Variants in PPP3CC observed in about 807,000 individuals in gnomAD.
PPP3CC encodes the protein protein phosphatase 3 catalytic subunit gamma, also known as serine/threonine-protein phosphatase 2B catalytic subunit gamma isoform.
Under a neutral mutation model 60.3 loss-of-function variants are expected in PPP3CC, and 35 were observed. That is an observed-to-expected ratio of 0.58 (90% CI 0.44 to 0.77). PPP3CC has a LOEUF of 0.77. Among genes scored for constraint, PPP3CC ranks in the 30% least tolerant of loss-of-function variants. The pLI, the probability that PPP3CC is intolerant of heterozygous loss-of-function variation, is 0.00. For synonymous variants in PPP3CC, 206 were observed against 224.3 expected, an observed-to-expected ratio of 0.92 and a Z score of 0.73; for missense variants, 570 against 628.9, an observed-to-expected ratio of 0.91 and a Z score of 1.00.
At chr8:22,530,162 G>T (rs1405669725) in intron 10 of PPP3CC, among the ~76,000 whole-genome samples, 2 of 152,222 alleles carry the variant, frequency 1.3e-5, no homozygotes, top group Non-Finnish European at 2.9e-5. Context: ...TAGCTTGCGA[G>T]TGTTTTTATT....
At chr8:22,457,526 T>C (rs146481256) in intron 1 of PPP3CC, among the ~76,000 whole-genome samples, 2 of 151,958 alleles carry the variant, frequency 1.3e-5, no homozygotes, top group South Asian at 2.1e-4. Flanking sequence ...CAGGCTGCTC[T>C]TGAACTCCAG....
Position 22,522,721 on chromosome 8 carries a change from CAATTACCTAGATGTCTATAACAAT to C in PPP3CC, c.918_941del (p.Asn306_Asn313del). 6.3e-7 allele frequency: 1 copy of C among 1,597,284 alleles called. No homozygotes were observed. ...CACTTATTACAATTTTCTCTGCCCC[CAATTACCTAGATGTCTATAACAAT>C]AAAGGTAAAGGAATCCAGCAATATT... On this transcript the variant is annotated inframe_deletion, in exon 8 of 14. Coordinates refer to ENST00000240139, the MANE Select transcript of PPP3CC (RefSeq NM_005605.5).
intron 3 of PPP3CC, among the ~76,000 whole-genome samples, chr8:22,482,015 A>C (rs1003563556): frequency 1.2e-4 from 19 of 152,180 alleles, no homozygotes; most frequent in African/African-American, 4.6e-4. Context: ...GTGTCTTTAT[A>C]GTAGAATGAT....
intron 1 of PPP3CC, among the ~76,000 whole-genome samples, chr8:22,466,655 C>T (rs1837530361): frequency 6.6e-6 from 1 of 152,158 alleles, no homozygotes; most frequent in South Asian, 2.1e-4. Context: ...ATCCTTTGCC[C>T]ACTTTCTGAT....
intron 3 of PPP3CC, among the ~76,000 whole-genome samples, chr8:22,483,594 C>G (rs1341151235): frequency 6.6e-6 from 1 of 152,078 alleles, no homozygotes; most frequent in East Asian, 1.9e-4. Flanking sequence ...TCCCATATGT[C>G]ATTTTATTTT....
intron 1 of PPP3CC, among the ~76,000 whole-genome samples, chr8:22,461,154 ACTTT>A (rs1837351885): frequency 6.6e-6 from 1 of 152,152 alleles, no homozygotes; most frequent in Admixed American, 6.5e-5. Flanking sequence ...GAAAATCTTT[ACTTT>A]ATTTACAGCA....
chr8:22,525,521 T>TCTTTCTTTCTTTCTTTCTTTCTTTCTTC (rs1839526822), intron 8 of PPP3CC, among the ~76,000 whole-genome samples: 1 of 104,260 alleles, frequency 9.6e-6, no homozygotes, highest in African/African-American at 3.9e-5. Flanking sequence ...TTTCTTTCTT[T>TCTTTCTTTCTTTCTTTCTTTCTTTCTTC]CTTTCTTTCT....
In PPP3CC at chr8:22,483,828, C is replaced by A. The variant is rs147989400; in HGVS notation, c.372+8204C>A. Among the ~76,000 whole-genome samples the A allele has an allele frequency of 4.4e-3, 669 of 151,962 alleles. 5 individuals are homozygous for A. Among genetic ancestry groups the A allele is most frequent in the African/African-American group, 0.015 (611 of 41,432 alleles). ...TCTCAATAAAGGACACATTTTAATGCCTATCTTGTAATTAAAAAAAATTTT... is the reference window on the plus strand; with the variant it reads ...TCTCAATAAAGGACACATTTTAATGACTATCTTGTAATTAAAAAAAATTTT... On this transcript the variant is annotated intron_variant, in intron 3 of 13. Transcript: ENST00000240139.
At chr8:22,454,820 G>C (rs955942866) in intron 1 of PPP3CC, among the ~76,000 whole-genome samples, 1 of 152,118 alleles carries the variant, frequency 6.6e-6, no homozygotes, top group Non-Finnish European at 1.5e-5. Flanking sequence ...TGTAATCCCA[G>C]CACTTTGGGA....
chr8:22,531,478 T>C (rs1563789809), intron 10 of PPP3CC: 1 of 790,686 alleles, frequency 1.3e-6, no homozygotes, highest in East Asian at 2.8e-5. Flanking sequence ...TCTGGACCTG[T>C]TGCGTGATCT....
chr8:22,509,949 G>A (rs1018313020), intron 4 of PPP3CC, among the ~76,000 whole-genome samples: 4 of 152,150 alleles, frequency 2.6e-5, no homozygotes, highest in Non-Finnish European at 5.9e-5. Context: ...ACTTTGGGAG[G>A]CCAAGGCAGG....
At chr8:22,466,427 G>A (rs1837524130) in intron 1 of PPP3CC, among the ~76,000 whole-genome samples, 1 of 152,174 alleles carries the variant, frequency 6.6e-6, no homozygotes. Context: ...CTTCCACAGT[G>A]GTTGAACTGA....
chr8:22,454,455 T>G (rs984016333), intron 1 of PPP3CC, among the ~76,000 whole-genome samples: 3 of 152,208 alleles, frequency 2.0e-5, no homozygotes, highest in African/African-American at 7.2e-5. Context: ...TTTTGTTGTT[T>G]TTGTTTTTTG....
chr8:22,528,524 A>G lies in PPP3CC; in HGVS notation c.1088A>G (p.Asn363Ser). ...VGEKVTEMLV[N>S]VLNICSDDEL... ...TACTTAGTCACAGAGATGCTGGTAA[A>G]TGTGCTCAACATATGCTCTGATGAC... Residue 363 changes from asparagine (N) to serine (S), a missense_variant, in exon 10 of 14, where the codon AAT (asparagine) becomes AGT (serine). Transcript: ENST00000240139. The G allele has an allele frequency of 6.4e-7, 1 of 1,553,090 alleles. No homozygotes were observed. The highest frequency in any genetic ancestry group is 8.7e-7 in the Non-Finnish European group (1 of 1,144,188).
rs74572362 is a variant in PPP3CC at position 22,511,806 on chromosome 8, G to A, written c.630+575G>A. Among the ~76,000 whole-genome samples the A allele has an allele frequency of 1.5e-3, 229 of 152,238 alleles. 2 individuals are homozygous for A. In the East Asian group the frequency reaches 0.034, roughly 23 times the overall value. On this transcript the variant is annotated intron_variant, in intron 5 of 13. Transcript: ENST00000240139. ...CTGAAACTTTGAATTATATCGCAGTGCAAAAGGAAGGAAACCAGGGTTCTA... is the reference window on the plus strand; with the variant it reads ...CTGAAACTTTGAATTATATCGCAGTACAAAAGGAAGGAAACCAGGGTTCTA...
intron 10 of PPP3CC, 89 bp downstream of exon 10, chr8:22,528,666 C>A: frequency 1.0e-6 from 1 of 975,904 alleles, no homozygotes; most frequent in Non-Finnish European, 1.5e-6. Context: ...TTTTCTTTGT[C>A]TTATTAAAAA....
At chr8:22,448,707 A>G (rs1055170943) in intron 1 of PPP3CC, among the ~76,000 whole-genome samples, 1 of 152,020 alleles carries the variant, frequency 6.6e-6, no homozygotes. Context: ...CTTGAATGTG[A>G]CTATATGGTA....
intron 1 of PPP3CC, 110 bp from the exon 2 acceptor site, chr8:22,474,844 T>A (rs1837838140): frequency 3.0e-6 from 2 of 673,846 alleles, no homozygotes; most frequent in Non-Finnish European, 4.3e-6. Flanking sequence ...GTGCTGTGGA[T>A]GTGAAATCAT....
chr8:22,484,979 C>CT (rs946248395), intron 3 of PPP3CC, among the ~76,000 whole-genome samples: 4 of 151,926 alleles, frequency 2.6e-5, no homozygotes, highest in African/African-American at 2.4e-5. Context: ...GTCCTGAATC[C>CT]TTTTTTTTAG....
Sources: allele counts gnomAD v4.1 joint callset (sites outside exome capture counted in the v4.1 genomes callset), GRCh38; gene constraint gnomAD v4.1.1; transcripts MANE v1.5; gene names NCBI Gene and HGNC (gene_info 2026-07-23, HGNC 2026-07-21).